ATP10B: variants seen among roughly 807,000 people sequenced by gnomAD.
ATP10B encodes the protein ATPase phospholipid transporting 10B (putative).
A neutral mutation model predicts 141.2 loss-of-function variants in ATP10B; 122 were observed. The observed-to-expected ratio is 0.86, with a 90% CI of 0.75 to 1.00. The LOEUF (loss-of-function observed/expected upper bound fraction) is 1.00. Ranked by LOEUF, ATP10B falls within the 50% of genes least tolerant of loss-of-function variation. The pLI is 0.00. For missense variants in ATP10B, 1,876 were observed against 1,825.3 expected (o/e 1.03, Z -0.51); for synonymous variants, 685 against 692.0 (o/e 0.99, Z 0.16).
the ATP10B span, among the ~76,000 whole-genome samples, chr5:160,903,220 A>T: frequency 7.2e-5 from 11 of 152,164 alleles, no homozygotes; most frequent in Non-Finnish European, 1.6e-4. Flanking sequence ...ATCAGACCCA[A>T]GACTGGAACC....
At chr5:160,578,551 G>GTA (rs568765085) in intron 24 of ATP10B, among the ~76,000 whole-genome samples, 2,325 of 151,524 alleles carry the variant, frequency 0.015, 41 homozygotes, top group African/African-American at 0.045. Context: ...GTATTCCATG[G>GTA]TATATATATA....
rs182456879 is a variant in ATP10B, at chr5:160,823,632, A to G, written c.-576+28309T>C. Among the ~76,000 whole-genome samples the G allele has an allele frequency of 5.9e-3, 894 of 152,260 alleles. 12 individuals are homozygous for G. Among genetic ancestry groups the G allele is most frequent in the African/African-American group, 0.02 (852 of 41,566 alleles). On this transcript the variant is annotated intron_variant, in intron 1 of 25. Transcript: ENST00000327245. ...AACACTTTGGGAGGCCGAGGTGGGC[A>G]GATCATGAGGTCAGGAGATCGAGAC...
chr5:160,775,985 C>T (rs1384057313), intron 2 of ATP10B, among the ~76,000 whole-genome samples: 1 of 152,146 alleles, frequency 6.6e-6, no homozygotes, highest in Admixed American at 6.5e-5. Flanking sequence ...ATTGTAGCTG[C>T]CTCACAGGGC....
intron 7 of ATP10B, among the ~76,000 whole-genome samples, chr5:160,667,003 G>T (rs921339229): frequency 3.3e-5 from 5 of 152,066 alleles, no homozygotes; most frequent in Non-Finnish European, 7.4e-5. Flanking sequence ...CGGATCATGA[G>T]GTCAGGAAAT....
chr5:160,840,712 T>C (rs1775761309), intron 1 of ATP10B, among the ~76,000 whole-genome samples: 1 of 151,692 alleles, frequency 6.6e-6, no homozygotes, highest in African/African-American at 2.4e-5. Flanking sequence ...ATGGCAAAAA[T>C]ACCAGAAGCA....
chr5:160,687,022 T>C, intron 5 of ATP10B: 1 of 919,540 alleles, frequency 1.1e-6, no homozygotes, highest in Non-Finnish European at 1.3e-6. Flanking sequence ...TACAGGTCTG[T>C]CTGCAGGAAC....
chr5:160,671,180 A>C (rs1324877250), intron 6 of ATP10B, among the ~76,000 whole-genome samples: 10 of 151,046 alleles, frequency 6.6e-5, no homozygotes, highest in Non-Finnish European at 1.5e-4. Flanking sequence ...AAAAAAAAAA[A>C]AAAAAAAAAA....
intron 1 of ATP10B, among the ~76,000 whole-genome samples, chr5:160,792,290 G>A (rs1056409527): frequency 6.6e-6 from 1 of 152,122 alleles, no homozygotes; most frequent in Non-Finnish European, 1.5e-5. Context: ...CTCAATATAT[G>A]CGTGACATAT....
chr5:160,766,338 AC>A (rs1451446409), intron 2 of ATP10B, among the ~76,000 whole-genome samples: 3 of 2,600 alleles, frequency 1.2e-3, no homozygotes, highest in African/African-American at 4.3e-3. Context: ...GATAAAGAGA[AC>A]ACACACACAC....
chr5:160,645,855 C>T (rs1760243234), intron 8 of ATP10B, among the ~76,000 whole-genome samples: 1 of 152,140 alleles, frequency 6.6e-6, no homozygotes, highest in African/African-American at 2.4e-5. Context: ...TAAGACAGGG[C>T]TTATTATCAT....
chr5:160,837,508 C>G (rs1475849359), intron 1 of ATP10B, among the ~76,000 whole-genome samples: 1 of 152,140 alleles, frequency 6.6e-6, no homozygotes, highest in Non-Finnish European at 1.5e-5. Flanking sequence ...GAGAAAGACT[C>G]AGCAGAGCTT....
intron 22 of ATP10B, among the ~76,000 whole-genome samples, chr5:160,597,064 C>T (rs1016599588): frequency 9.9e-5 from 15 of 152,176 alleles, no homozygotes; most frequent in Admixed American, 7.9e-4. Context: ...CATATGGAGC[C>T]AAAAAAGAGC....
At chr5:160,680,386 G>C (rs558944746) in intron 6 of ATP10B, among the ~76,000 whole-genome samples, 35 of 152,152 alleles carry the variant, frequency 2.3e-4, no homozygotes, top group African/African-American at 8.2e-4. Flanking sequence ...ATGTCTTTTA[G>C]CATCCATCAG....
the ATP10B span, among the ~76,000 whole-genome samples, chr5:160,928,271 A>G: frequency 6.6e-6 from 1 of 152,194 alleles, no homozygotes; most frequent in Admixed American, 6.5e-5. Flanking sequence ...CACATGGGTT[A>G]CATATTTTTG....
At chr5:160,656,536 A>G (rs561139876) in intron 7 of ATP10B, among the ~76,000 whole-genome samples, 1 of 152,334 alleles carries the variant, frequency 6.6e-6, no homozygotes, top group African/African-American at 2.4e-5. Flanking sequence ...AGTCTCACAC[A>G]TGCATGTACC....
the ATP10B span, among the ~76,000 whole-genome samples, chr5:160,886,722 A>C: frequency 1.3e-5 from 2 of 152,186 alleles, no homozygotes; most frequent in African/African-American, 4.8e-5. Context: ...ATGAATGCAC[A>C]ATGCAAAAAG....
At chr5:160,740,999 G>A (rs964032546) in intron 2 of ATP10B, among the ~76,000 whole-genome samples, 1 of 152,166 alleles carries the variant, frequency 6.6e-6, no homozygotes, top group Non-Finnish European at 1.5e-5. Context: ...CCTTGCTTCA[G>A]CCTCCATCAG....
intron 1 of ATP10B, among the ~76,000 whole-genome samples, chr5:160,833,563 A>G (rs948583722): frequency 1.3e-5 from 2 of 152,184 alleles, no homozygotes; most frequent in African/African-American, 4.8e-5. Flanking sequence ...AGACAGGCAA[A>G]GGAGCAGGAA....
the ATP10B span, among the ~76,000 whole-genome samples, chr5:160,882,078 G>T: frequency 2.0e-5 from 3 of 152,242 alleles, no homozygotes; most frequent in South Asian, 6.2e-4. Flanking sequence ...AAATATCAGT[G>T]GTTGCCATTG....
Sources: gnomAD v4.1 joint callset for allele counts (sites outside exome capture counted in the v4.1 genomes callset) on GRCh38, gnomAD v4.1.1 for gene constraint, MANE v1.5 for transcripts, NCBI Gene and HGNC (gene_info 2026-07-23, HGNC 2026-07-21) for gene names.